GLI3: variants seen among roughly 807,000 people sequenced by gnomAD.
GLI3 encodes transcription activator GLI3.
Under a neutral mutation model 100.8 loss-of-function variants are expected in GLI3, and 20 were observed. The ratio of observed to expected loss-of-function variants is 0.20; its 90% CI spans 0.14 to 0.29. The LOEUF is 0.29. GLI3 is among the 10% of genes least tolerant of loss of function. The pLI, the probability that GLI3 is intolerant of heterozygous loss-of-function variation, is 1.00. For synonymous variants in GLI3, 938 were observed against 860.5 expected (o/e 1.09, Z -1.58); for missense variants, 2,040 against 2,128.5 (o/e 0.96, Z 0.82).
chr7:42,205,032 G>A lies in GLI3; in HGVS notation c.124+18098C>T, dbSNP rs375547060. On this transcript the variant is annotated intron_variant, in intron 2 of 14. Transcript: ENST00000395925. The stretch of plus-strand genomic sequence containing the variant: ...GACTTCCAAAAGCTTTCAGCAGCAG[G>A]TTGTGGGTGTGCTTTCAAGTGTACG... Among the ~76,000 whole-genome samples the A allele has an allele frequency of 4.6e-5, 7 of 152,314 alleles. No homozygotes were observed. The East Asian group carries it at 1.2e-3, about 25-fold the overall frequency.
intron 3 of GLI3, among the ~76,000 whole-genome samples, chr7:42,077,186 C>A (rs985949896): frequency 6.6e-6 from 1 of 152,048 alleles, no homozygotes; most frequent in Non-Finnish European, 1.5e-5. Context: ...AAGGGAGCCA[C>A]AAAGCCAAGG....
intron 10 of GLI3, among the ~76,000 whole-genome samples, chr7:42,011,656 G>A (rs1047221598): frequency 1.4e-4 from 21 of 152,152 alleles, no homozygotes; most frequent in African/African-American, 4.8e-4. Context: ...GGCAGACATC[G>A]TACAAAAGGT....
intron 10 of GLI3, among the ~76,000 whole-genome samples, chr7:42,011,579 A>C (rs145000759): frequency 9.0e-4 from 137 of 152,354 alleles, no homozygotes; most frequent in African/African-American, 3.2e-3. Context: ...TCAGCCATAA[A>C]AAAGAACAAA....
In GLI3 at chr7:42,048,581, T is replaced by C; in HGVS notation, c.589A>G (p.Ile197Val). The C allele has an allele frequency of 1.2e-6, 2 of 1,611,900 alleles. No individual in the cohort carries two copies. Among genetic ancestry groups the C allele is most frequent in the South Asian group, 1.1e-5 (1 of 90,950 alleles). ...CGGATATAGTCCATGTAGGGATTAA[T>C]GTAGGGATGTGGAGGGCTGAAGGGA... ...ESPFSPPHPY[I>V]NPYMDYIRSL... Residue 197 changes from isoleucine to valine, a missense_variant, in exon 5 of 15, where the codon ATT (isoleucine) becomes GTT (valine). Coordinates refer to ENST00000395925, the MANE Select transcript of GLI3 (RefSeq NM_000168.6).
At chr7:41,985,834 T>C (rs901370949) in intron 10 of GLI3, among the ~76,000 whole-genome samples, 8 of 152,210 alleles carry the variant, frequency 5.3e-5, no homozygotes, top group African/African-American at 1.9e-4. Flanking sequence ...TCACAGACTA[T>C]CAGGACTGAA....
At chr7:42,141,534 A>T (rs1477959294) in intron 3 of GLI3, among the ~76,000 whole-genome samples, 7 of 152,066 alleles carry the variant, frequency 4.6e-5, no homozygotes, top group South Asian at 2.1e-4. Flanking sequence ...TAGCCAGGCG[A>T]GGTGGCACAT....
chr7:42,015,486 C>T lies in GLI3; in HGVS notation c.1497+7982G>A, dbSNP rs529845171. Among the ~76,000 whole-genome samples the T allele has an allele frequency of 1.4e-4, 21 of 152,204 alleles. No individual in the cohort carries two copies. In the South Asian group the frequency reaches 3.7e-3, roughly 27 times the overall value. On this transcript the variant is annotated intron_variant, in intron 10 of 14. Coordinates refer to ENST00000395925, the MANE Select transcript of GLI3 (RefSeq NM_000168.6). ...CCCCAAATCTTAAAAAAAAAGTCCT[C>T]GCATTAGAAAACTGCTTTCTGTTCC...
chr7:42,194,618 C>A (rs1191671268), intron 2 of GLI3, among the ~76,000 whole-genome samples: 1 of 152,144 alleles, frequency 6.6e-6, no homozygotes, highest in Non-Finnish European at 1.5e-5. Flanking sequence ...TCTTAGCGAA[C>A]GGCATTCCAT....
intron 3 of GLI3, among the ~76,000 whole-genome samples, chr7:42,127,428 T>C (rs1400899716): frequency 6.6e-6 from 1 of 152,152 alleles, no homozygotes; most frequent in Non-Finnish European, 1.5e-5. Flanking sequence ...CTCTTCTCAA[T>C]GAGATCTGAC....
intron 10 of GLI3, among the ~76,000 whole-genome samples, chr7:41,989,925 T>C (rs1274937840): frequency 7.1e-6 from 1 of 141,828 alleles, no homozygotes; most frequent in Non-Finnish European, 1.5e-5. Flanking sequence ...CCTGAGAGGC[T>C]GTAGTGAGCT....
At chr7:42,104,551 T>C (rs1345243850) in intron 3 of GLI3, among the ~76,000 whole-genome samples, 1 of 152,212 alleles carries the variant, frequency 6.6e-6, no homozygotes, top group East Asian at 1.9e-4. Context: ...GGGTGTGAGA[T>C]TATGAAATCA....
intron 2 of GLI3, among the ~76,000 whole-genome samples, chr7:42,184,667 C>A (rs1468212832): frequency 6.6e-6 from 1 of 152,186 alleles, no homozygotes; most frequent in Non-Finnish European, 1.5e-5. Context: ...GACACAGACA[C>A]CCTTTAGCGC....
chr7:42,184,375 A>G (rs891911944), intron 2 of GLI3, among the ~76,000 whole-genome samples: 4 of 152,092 alleles, frequency 2.6e-5, no homozygotes, highest in Non-Finnish European at 5.9e-5. Flanking sequence ...GGGTCCCTCA[A>G]TCACCAGCTA....
intron 3 of GLI3, chr7:42,145,622 GAAAAAA>G (rs59890189): frequency 2.2e-5 from 8 of 356,290 alleles, no homozygotes; most frequent in Non-Finnish European, 3.9e-5. Flanking sequence ...AAGAAAGAAA[GAAAAAA>G]AAAAAAAACA....
chr7:42,159,921 T>C (rs1787093442), intron 2 of GLI3, among the ~76,000 whole-genome samples: 1 of 152,150 alleles, frequency 6.6e-6, no homozygotes, highest in Admixed American at 6.5e-5. Flanking sequence ...TTTTTTAATG[T>C]TTGGGTATTA....
Position 41,965,782 on chromosome 7 carries a change from C to T in GLI3, c.3291G>A (p.Val1097=), listed in dbSNP as rs1211000387. ...CTTGGTTCTGGGAATTTAAATACTG[C>T]ACCACGTCGTCCGGCAGGAAATCCT... ...NDEDFLPDDV[V]QYLNSQNQAG... is the part of the protein sequence containing the mutation. Residue 1097 remains valine (V), a synonymous_variant, in exon 15 of 15, where the codon GTG becomes GTA. Transcript: ENST00000395925. 6.2e-7 allele frequency: 1 copy of T among 1,613,420 alleles called. No individual in the cohort carries two copies. The highest frequency in any genetic ancestry group is 1.7e-5 in the Admixed American group (1 of 60,002).
chr7:42,200,161 T>C (rs1410368381), intron 2 of GLI3, among the ~76,000 whole-genome samples: 1 of 151,932 alleles, frequency 6.6e-6, no homozygotes, highest in East Asian at 1.9e-4. Flanking sequence ...ATACCTAGGA[T>C]ATCGCCTTCC....
chr7:42,013,276 G>A lies in GLI3; in HGVS notation c.1497+10192C>T, dbSNP rs1788668501. On this transcript the variant is annotated intron_variant, in intron 10 of 14. Transcript: ENST00000395925. ...CTTTGAATATTCATTCTCTGTATTCGTCCAAAACAATCCTGCCCTGATTGG... is the reference window on the plus strand; with the variant it reads ...CTTTGAATATTCATTCTCTGTATTCATCCAAAACAATCCTGCCCTGATTGG... 2.0e-5 allele frequency among the ~76,000 whole-genome samples: 3 copies of A among 152,202 alleles called. No homozygotes were observed. In the South Asian group the frequency reaches 6.2e-4, roughly 32 times the overall value.
chr7:42,022,796 A>G (rs1301786475), intron 10 of GLI3, among the ~76,000 whole-genome samples: 14 of 152,176 alleles, frequency 9.2e-5, no homozygotes, highest in Non-Finnish European at 2.1e-4. Flanking sequence ...CTTTGTGCAC[A>G]CTGCATTTTT....
Sources: allele counts gnomAD v4.1 joint callset (sites outside exome capture counted in the v4.1 genomes callset), GRCh38; gene constraint gnomAD v4.1.1; transcripts MANE v1.5; gene names NCBI Gene and HGNC (gene_info 2026-07-23, HGNC 2026-07-21).